PCYT2: variants seen among roughly 807,000 people sequenced by gnomAD.
The protein encoded by PCYT2 is phosphate cytidylyltransferase 2, ethanolamine.
PCYT2 carries 33 observed loss-of-function variants against 50.0 expected under a neutral mutation model. That is an observed-to-expected ratio of 0.66 (90% confidence interval 0.50 to 0.88). The LOEUF is 0.88. Ranked by LOEUF, PCYT2 falls within the 40% of genes least tolerant of loss-of-function variation. PCYT2 has a pLI of 0.00. For synonymous variants in PCYT2, 240 were observed against 203.7 expected (o/e 1.18, Z -1.52); for missense variants, 430 against 519.7 (o/e 0.83, Z 1.68).
chr17:81,911,299 GC>G lies in PCYT2; in HGVS notation c.56del (p.Gly19AlafsTer5). 36 of 1,135,002 alleles carry G rather than the reference GC, an allele frequency of 3.2e-5. No individual in the cohort carries two copies. The highest frequency in any genetic ancestry group is 7.6e-4 in the Middle Eastern group (2 of 2,620). 70.3% of individuals were successfully genotyped at this position (1,135,002 alleles called of 1,614,324 possible). On this transcript the variant is annotated frameshift_variant, in exon 1 of 13. Coordinates refer to ENST00000538936, the MANE Select transcript of PCYT2 (RefSeq NM_002861.5). LOFTEE classifies it high-confidence loss of function. ...AGGAEQPGPGGRRAVRVWCDG... is the reference protein window; with the variant it reads ...AGGAEQPGPGXRRAVRVWCDG... Reference sequence around the variant, plus strand: ...CGCACCACACCCTCACGGCGCGCCTGCCCCCCGGGCCCGGCTGCTCTGCGCC... The same window carrying G: ...CGCACCACACCCTCACGGCGCGCCTGCCCCCGGGCCCGGCTGCTCTGCGCC...
At chr17:81,908,768 C>A in intron 3 of PCYT2, 108 bp downstream of exon 3, 1 of 1,355,050 alleles carries the variant, frequency 7.4e-7, no homozygotes. Flanking sequence ...GGAAATGTCT[C>A]AGATCCTCAA....
chr17:81,901,673 A>C lies in PCYT2; in HGVS notation c.*3160T>G, dbSNP rs569414204. 6 of 152,228 alleles carry C rather than the reference A, an allele frequency of 3.9e-5. No individual in the cohort carries two copies. Among genetic ancestry groups the C allele is most frequent in the African/African-American group, 1.4e-4 (6 of 41,446 alleles). The allele number at this position is 152,228 out of a possible 1,614,324, so 9.4% of individuals were successfully genotyped here. On this transcript the variant is annotated 3_prime_UTR_variant, in exon 13 of 13. Coordinates refer to ENST00000538936, the MANE Select transcript of PCYT2 (RefSeq NM_002861.5). ...CAGAGCTGGCAGAGAGGGGCCTCCA[A>C]TCGAAGGCCAGGAGTCGTGGAGCTC...
rs772924800 is a variant in PCYT2 at position 81,906,902 on chromosome 17, C to G, written c.538-4G>C. On this transcript the variant is annotated splice_polypyrimidine_tract_variant and splice_region_variant and intron_variant, in intron 6 of 12. Coordinates refer to ENST00000538936, the MANE Select transcript of PCYT2 (RefSeq NM_002861.5). The stretch of plus-strand genomic sequence containing the variant: ...AGGGGTTCCGCCCACCAGGGCACTG[C>G]AAGCCAAGAGAGGGAGCAGGTTGGC... 1 of 1,611,956 alleles carries G rather than the reference C, an allele frequency of 6.2e-7. No individual in the cohort carries two copies. Among genetic ancestry groups the G allele is most frequent in the African/African-American group, 1.3e-5 (1 of 74,918 alleles).
rs544890797 is a variant in PCYT2 at position 81,908,171 on chromosome 17, C to T, written c.408-314G>A. The stretch of plus-strand genomic sequence containing the variant: ...CTCTGCTTCCTGCCTCCCTCACACC[C>T]ACGTCCTGCCCGCTGAGCATCTGCA... On this transcript the variant is annotated intron_variant, in intron 4 of 12. Coordinates refer to ENST00000538936, the MANE Select transcript of PCYT2 (RefSeq NM_002861.5). Among the ~76,000 whole-genome samples, 11 of 150,702 alleles carry T rather than the reference C, an allele frequency of 7.3e-5. No individual in the cohort carries two copies. In the South Asian group the frequency reaches 2.1e-3, roughly 29 times the overall value.
chr17:81,906,542 G>A lies in PCYT2; in HGVS notation c.681C>T (p.Ile227=), dbSNP rs375176350. ...YVAGAFDLFH[I]GHVDFLEKVH... Reference sequence around the variant, plus strand: ...CCTTCTCCAGGAAGTCCACATGCCCGATGTCTGCACCCAGGTTAAGAAGCA... The same window carrying A: ...CCTTCTCCAGGAAGTCCACATGCCCAATGTCTGCACCCAGGTTAAGAAGCA... The change falls in exon 8 of 13, where the codon ATC becomes ATT. Residue 227 remains isoleucine, a synonymous_variant. Transcript: ENST00000538936. 9 of 1,613,252 alleles carry A rather than the reference G, an allele frequency of 5.6e-6. No individual in the cohort carries two copies. Among genetic ancestry groups the A allele is most frequent in the Admixed American group, 1.7e-5 (1 of 60,000 alleles).
At position 81,900,998 on chromosome 17, in the gene PCYT2, A is replaced by T. The variant is rs1326446569; in HGVS notation, c.*3835T>A. 6.6e-6 allele frequency: 1 copy of T among 152,204 alleles called. No individual in the cohort carries two copies. Among genetic ancestry groups the T allele is most frequent in the Non-Finnish European group, 1.5e-5 (1 of 68,036 alleles). The allele number at this position is 152,204 out of a possible 1,614,324, so 9.4% of individuals were successfully genotyped here. ...AAGAGTTTATTGGGAGTATTGACTC[A>T]CGTGATCACAAGGTGAAGTCCCACA... On this transcript the variant is annotated 3_prime_UTR_variant, in exon 13 of 13. Coordinates refer to ENST00000538936, the MANE Select transcript of PCYT2 (RefSeq NM_002861.5).
In PCYT2 at chr17:81,902,949, G is replaced by A. The variant is rs2040021367; in HGVS notation, c.*1884C>T. On this transcript the variant is annotated 3_prime_UTR_variant, in exon 13 of 13. Coordinates refer to ENST00000538936, the MANE Select transcript of PCYT2 (RefSeq NM_002861.5). ...CTGGCAGCCAGGCCACGAGGGGAAC[G>A]GGACCTGGAAATCCCCAAGCCTGGG... 2 of 535,704 alleles carry A rather than the reference G, an allele frequency of 3.7e-6. No individual in the cohort carries two copies. Among genetic ancestry groups the A allele is most frequent in the East Asian group, 3.4e-5 (1 of 29,306 alleles). The allele number at this position is 535,704 out of a possible 1,614,324, so 33.2% of individuals were successfully genotyped here.
rs1437709219 is a variant in PCYT2, at chr17:81,904,862, G to C, written c.1141C>G (p.Pro381Ala). 6.2e-7 allele frequency: 1 copy of C among 1,612,340 alleles called. No homozygotes were observed. The highest frequency in any genetic ancestry group is 8.5e-7 in the Non-Finnish European group (1 of 1,179,590). ...AAGTCACCATCGCGCTCCCCCAGGG[G>C]CTGTGCCGCCTGCTGCCTGGCAGCC... ...LEAARQQAAQ[P>A]LGERDGDF The change falls in exon 13 of 13, where the codon CCC becomes GCC. Residue 381 changes from proline to alanine, a missense_variant. By Grantham distance (27) the Pro-to-Ala change is conservative. Transcript: ENST00000538936.
intron 9 of PCYT2, 155 bp downstream of exon 9, chr17:81,905,945 A>C: frequency 2.6e-6 from 2 of 757,302 alleles, no homozygotes; most frequent in Non-Finnish European, 4.4e-6. Context: ...ATGCCTCAAC[A>C]AACAGGTATG....
intron 1 of PCYT2, 200 bp downstream of exon 1, chr17:81,911,067 G>C: frequency 1.0e-6 from 1 of 1,001,628 alleles, no homozygotes; most frequent in Non-Finnish European, 1.2e-6. Flanking sequence ...AGAGGTAGAC[G>C]GGGTCGCCCA....
chr17:81,907,522 G>A (rs776444401), intron 6 of PCYT2, 32 bp downstream of exon 6: 51 of 1,593,364 alleles, frequency 3.2e-5, no homozygotes, highest in Non-Finnish European at 3.9e-5. Context: ...CTGCAGCTGC[G>A]TGCTCAGCTC....
intron 11 of PCYT2, 52 bp from the exon 12 acceptor site, chr17:81,905,206 A>G (rs773939541): frequency 1.3e-6 from 2 of 1,494,690 alleles, no homozygotes; most frequent in South Asian, 1.2e-5. Context: ...GACCTCCCCA[A>G]GACCCATCTG....
chr17:81,908,818 A>G, intron 3 of PCYT2, 58 bp downstream of exon 3: 1 of 1,521,418 alleles, frequency 6.6e-7, no homozygotes, highest in Middle Eastern at 1.7e-4. Context: ...CCACCAGCAG[A>G]TCTGATCCTG....
chr17:81,902,502 A>T lies in PCYT2; in HGVS notation c.*2331T>A. ...GGGCCGGCGCCTCCCCGGAGCTGCAACTGCACCCCAGGCTGCGGAGCCTCG... is the reference window on the plus strand; with the variant it reads ...GGGCCGGCGCCTCCCCGGAGCTGCATCTGCACCCCAGGCTGCGGAGCCTCG... On this transcript the variant is annotated 3_prime_UTR_variant, in exon 13 of 13. Transcript: ENST00000538936. 1 of 1,426,646 alleles carries T rather than the reference A, an allele frequency of 7.0e-7. No individual in the cohort carries two copies. Among genetic ancestry groups the T allele is most frequent in the South Asian group, 1.4e-5 (1 of 69,366 alleles). The allele number at this position is 1,426,646 out of a possible 1,614,324, so 88.4% of individuals were successfully genotyped here. A position where few individuals can be genotyped will look rare whatever the true frequency, so the allele number is the denominator to read the frequency against.
chr17:81,905,895 C>G, intron 9 of PCYT2, 160 bp from the exon 10 acceptor site: 1 of 794,714 alleles, frequency 1.3e-6, no homozygotes. Context: ...CTCCATGAGA[C>G]AAGAAGGAAC....
chr17:81,907,418 T>C, intron 6 of PCYT2, 136 bp downstream of exon 6: 1 of 1,206,738 alleles, frequency 8.3e-7, no homozygotes, highest in South Asian at 1.4e-5. Context: ...TGGCAGTCAG[T>C]GCCTGGTCAG....
chr17:81,904,815 G>A lies in PCYT2; in HGVS notation c.*18C>T, dbSNP rs1314760299. 8 of 1,549,726 alleles carry A rather than the reference G, an allele frequency of 5.2e-6. No homozygotes were observed. The highest frequency in any genetic ancestry group is 7.1e-6 in the Non-Finnish European group (8 of 1,128,676). On this transcript the variant is annotated 3_prime_UTR_variant, in exon 13 of 13. Coordinates refer to ENST00000538936, the MANE Select transcript of PCYT2 (RefSeq NM_002861.5). ...CAGAAGCAGAGCAGGGGGAGGGCCG[G>A]CCAGGGCCTCTGCCAGGTTAGAAGT...
chr17:81,906,062 T>C, intron 9 of PCYT2, 38 bp downstream of exon 9: 1 of 1,556,478 alleles, frequency 6.4e-7, no homozygotes, highest in South Asian at 1.2e-5. Flanking sequence ...TGTGGGAATG[T>C]CTCCCCATCC....
At chr17:81,905,208 A>ACC in intron 11 of PCYT2, 54 bp from the exon 12 acceptor site, 1 of 1,482,304 alleles carries the variant, frequency 6.7e-7, no homozygotes, top group Non-Finnish European at 9.3e-7. Flanking sequence ...CCTCCCCAAG[A>ACC]CCCATCTGAT....
Sources: gnomAD v4.1 joint callset for allele counts (sites outside exome capture counted in the v4.1 genomes callset) on GRCh38, gnomAD v4.1.1 for gene constraint, MANE v1.5 for transcripts, NCBI Gene and HGNC (gene_info 2026-07-23, HGNC 2026-07-21) for gene names.